FGD6: variants seen among roughly 807,000 people sequenced by gnomAD.
FGD6 encodes FYVE, RhoGEF and PH domain-containing protein 6.
Under a neutral mutation model 149.4 loss-of-function variants are expected in FGD6, and 90 were observed. That is an observed-to-expected ratio of 0.60 (90% CI 0.51 to 0.72). The LOEUF (loss-of-function observed/expected upper bound fraction) is 0.72. FGD6 is among the 30% of genes least tolerant of loss of function. FGD6 has a pLI of 0.00. For synonymous variants in FGD6, 527 were observed against 584.0 expected (o/e 0.90, Z 1.41); for missense variants, 1,437 against 1,684.8 (o/e 0.85, Z 2.57).
At chr12:95,149,578 G>A (rs1301639313) in intron 5 of FGD6, among the ~76,000 whole-genome samples, 1 of 138,568 alleles carries the variant, frequency 7.2e-6, no homozygotes, top group Non-Finnish European at 1.5e-5. Context: ...AGAATCCCTT[G>A]AGCCTAGAAG....
chr12:95,128,334 T>G (rs970318893), intron 8 of FGD6, among the ~76,000 whole-genome samples: 2 of 152,174 alleles, frequency 1.3e-5, no homozygotes, highest in Non-Finnish European at 2.9e-5. Context: ...ACTCTTGGGC[T>G]CAAGTGATCA....
At chr12:95,203,178 C>G (rs992376061) in intron 2 of FGD6, among the ~76,000 whole-genome samples, 2 of 152,128 alleles carry the variant, frequency 1.3e-5, no homozygotes, top group African/African-American at 4.8e-5. Context: ...TGGGGAGAAA[C>G]AAAAACTTAG....
chr12:95,145,471 T>C (rs938985250), intron 5 of FGD6, among the ~76,000 whole-genome samples: 1 of 152,156 alleles, frequency 6.6e-6, no homozygotes, highest in Non-Finnish European at 1.5e-5. Context: ...ATGATCACCC[T>C]GGCTGGTCCG....
At chr12:95,187,190 T>A (rs1881461181) in intron 2 of FGD6, among the ~76,000 whole-genome samples, 1 of 147,180 alleles carries the variant, frequency 6.8e-6, no homozygotes, top group Non-Finnish European at 1.5e-5. Flanking sequence ...AATTAGCTGG[T>A]CGTGGTGGCA....
At chr12:95,138,616 C>G (rs1202699839) in intron 6 of FGD6, among the ~76,000 whole-genome samples, 1 of 151,986 alleles carries the variant, frequency 6.6e-6, no homozygotes, top group Non-Finnish European at 1.5e-5. Flanking sequence ...ACCCCTGTCA[C>G]ACTTCTCTTC....
At chr12:95,142,543 G>A (rs1363907810) in intron 5 of FGD6, among the ~76,000 whole-genome samples, 2 of 152,174 alleles carry the variant, frequency 1.3e-5, no homozygotes, top group Admixed American at 6.5e-5. Context: ...CTCCCAAAGT[G>A]CTGTGATTAT....
chr12:95,157,984 A>G (rs1880523920), intron 3 of FGD6, among the ~76,000 whole-genome samples: 1 of 151,872 alleles, frequency 6.6e-6, no homozygotes, highest in East Asian at 1.9e-4. Flanking sequence ...AGTAGCTGGA[A>G]CTACAGGCAT....
chr12:95,116,537 G>A (rs1879020286), intron 8 of FGD6, among the ~76,000 whole-genome samples: 1 of 152,146 alleles, frequency 6.6e-6, no homozygotes, highest in African/African-American at 2.4e-5. Context: ...TCACTGTGCT[G>A]AGCCTCATAA....
intron 2 of FGD6, among the ~76,000 whole-genome samples, chr12:95,192,500 A>C (rs1565920468): frequency 6.6e-6 from 1 of 152,238 alleles, no homozygotes; most frequent in African/African-American, 2.4e-5. Context: ...TCATTCTTTC[A>C]ATAAATATTT....
chr12:95,165,963 G>GTTT (rs149021127), intron 3 of FGD6, among the ~76,000 whole-genome samples: 8 of 132,798 alleles, frequency 6.0e-5, no homozygotes, highest in Non-Finnish European at 1.1e-4. Flanking sequence ...TTCTTTTTCT[G>GTTT]TTTTTTTTTT....
intron 6 of FGD6, among the ~76,000 whole-genome samples, chr12:95,139,854 C>A (rs1353841817): frequency 6.6e-6 from 1 of 152,082 alleles, no homozygotes; most frequent in Non-Finnish European, 1.5e-5. Context: ...CTAGGCTGGT[C>A]TCGAGCTCCT....
intron 3 of FGD6, among the ~76,000 whole-genome samples, chr12:95,165,943 G>A (rs887717033): frequency 3.3e-5 from 5 of 150,922 alleles, no homozygotes; most frequent in Admixed American, 1.3e-4. Flanking sequence ...CACCATGCCT[G>A]GCTTGTTTTT....
At chr12:95,208,592 G>A (rs1010860713) in intron 2 of FGD6, among the ~76,000 whole-genome samples, 14 of 152,170 alleles carry the variant, frequency 9.2e-5, no homozygotes, top group Non-Finnish European at 1.6e-4. Flanking sequence ...CTTCCTTGCA[G>A]CAGCACCTAC....
At position 95,172,595 on chromosome 12, in the gene FGD6, T is replaced by C. The variant is rs1450702505; in HGVS notation, c.2586+5A>G. ...GTCAAGAAGCAATTAAGTACCAAAGTATACCTGTTTATCTTCCAGTGGGTC... is the reference window on the plus strand; with the variant it reads ...GTCAAGAAGCAATTAAGTACCAAAGCATACCTGTTTATCTTCCAGTGGGTC... On this transcript the variant is annotated splice_donor_5th_base_variant and intron_variant, in intron 3 of 20. Coordinates refer to ENST00000343958, the MANE Select transcript of FGD6 (RefSeq NM_018351.4). 9 of 1,601,572 alleles carry C rather than the reference T, an allele frequency of 5.6e-6. No individual in the cohort carries two copies. In the East Asian group the frequency reaches 1.8e-4, roughly 32 times the overall value.
chr12:95,161,285 C>A (rs942120696), intron 3 of FGD6, among the ~76,000 whole-genome samples: 2 of 152,008 alleles, frequency 1.3e-5, no homozygotes, highest in Non-Finnish European at 2.9e-5. Flanking sequence ...CACTTGAGGT[C>A]AGGAATTTGA....
intron 8 of FGD6, among the ~76,000 whole-genome samples, chr12:95,116,632 G>C (rs12827193): frequency 6.6e-6 from 1 of 152,240 alleles, no homozygotes; most frequent in African/African-American, 2.4e-5. Flanking sequence ...AAAACCCACC[G>C]TTAACACGTT....
chr12:95,113,783 T>G (rs1878915420), intron 8 of FGD6, 82 bp from the exon 9 acceptor site: 2 of 872,886 alleles, frequency 2.3e-6, no homozygotes, highest in Non-Finnish European at 3.6e-6. Flanking sequence ...AATACTTCAT[T>G]AGTCTTGCTG....
In FGD6 at chr12:95,141,478, C is replaced by T. The variant is rs769725678; in HGVS notation, c.2747G>A (p.Arg916Gln). ...GTAGTATAGGATCTGATTTAGAATCCGGTCCTCAATCACTGGTTTCCCAAG... is the reference window on the plus strand; with the variant it reads ...GTAGTATAGGATCTGATTTAGAATCTGGTCCTCAATCACTGGTTTCCCAAG... Reference protein sequence around the residue: ...RQLGKPVIEDRILNQILYYLP... With the variant: ...RQLGKPVIEDQILNQILYYLP... Residue 916 changes from arginine to glutamine, a missense_variant, in exon 6 of 21, where the codon CGG (arginine) becomes CAG (glutamine). Coordinates refer to ENST00000343958, the MANE Select transcript of FGD6 (RefSeq NM_018351.4). The T allele has an allele frequency of 1.9e-5, 31 of 1,613,930 alleles. No individual in the cohort carries two copies. Among genetic ancestry groups the T allele is most frequent in the East Asian group, 1.6e-4 (7 of 44,884 alleles).
At chr12:95,089,888 T>C (rs1877995085) in intron 17 of FGD6, among the ~76,000 whole-genome samples, 192 bp from the exon 18 acceptor site, 1 of 152,184 alleles carries the variant, frequency 6.6e-6, no homozygotes, top group Non-Finnish European at 1.5e-5. Context: ...TCTATGGTTT[T>C]ATACTTTTTG....
Sources: gnomAD v4.1 joint callset for allele counts (sites outside exome capture counted in the v4.1 genomes callset) on GRCh38, gnomAD v4.1.1 for gene constraint, MANE v1.5 for transcripts, NCBI Gene and HGNC (gene_info 2026-07-23, HGNC 2026-07-21) for gene names.